Variants in MTA3 observed in about 807,000 individuals in gnomAD.
MTA3 encodes metastasis-associated protein MTA3.
In MTA3, 34 loss-of-function variants were observed where a neutral mutation model predicts 83.5. That is an observed-to-expected ratio of 0.41 (90% CI 0.31 to 0.54). MTA3 has a LOEUF of 0.54. Among genes scored for constraint, MTA3 ranks in the 20% least tolerant of loss-of-function variants. The pLI is 0.33. For synonymous variants in MTA3, 303 were observed against 252.7 expected (o/e 1.20, Z -1.89); for missense variants, 761 against 726.4 (o/e 1.05, Z -0.55).
intron 8 of MTA3, among the ~76,000 whole-genome samples, chr2:42,677,744 A>G (rs758391204): frequency 2.0e-5 from 3 of 152,096 alleles, no homozygotes; most frequent in Admixed American, 6.6e-5. Flanking sequence ...TTCCACCATG[A>G]TTATGAGGCC....
In MTA3 at chr2:42,498,535, ATACT is replaced by A. The variant is rs570613130; in HGVS notation, c.-141+3285_-141+3288del. ...AGCAGGCTTGGGGGAAAAGCTATAC[ATACT>A]TACGGGGGAGGCGCACACATGCATA... On this transcript the variant is annotated intron_variant, in intron 2 of 17. Transcript: ENST00000405592. Among the ~76,000 whole-genome samples, 63 of 152,336 alleles carry A rather than the reference ATACT, an allele frequency of 4.1e-4. 1 individual carries two copies. The highest frequency in any genetic ancestry group is 3.5e-3 in the Admixed American group (53 of 15,298).
chr2:42,556,145 A>G (rs937773352), intron 2 of MTA3, among the ~76,000 whole-genome samples: 5 of 150,542 alleles, frequency 3.3e-5, no homozygotes, highest in South Asian at 4.2e-4. Context: ...CTCCCTGGGG[A>G]AAAAAAAAGC....
intron 4 of MTA3, among the ~76,000 whole-genome samples, chr2:42,636,728 G>T (rs1395660042): frequency 6.7e-6 from 1 of 149,466 alleles, no homozygotes; most frequent in South Asian, 2.1e-4. Flanking sequence ...CCAGGTTCAA[G>T]CCATTCTCCT....
At chr2:42,638,300 T>A (rs1187386308) in intron 4 of MTA3, among the ~76,000 whole-genome samples, 1 of 152,210 alleles carries the variant, frequency 6.6e-6, no homozygotes, top group African/African-American at 2.4e-5. Context: ...ATAGATATTC[T>A]GTGGCAGCTG....
At chr2:42,554,085 T>C (rs1183402511) in intron 2 of MTA3, among the ~76,000 whole-genome samples, 2 of 151,772 alleles carry the variant, frequency 1.3e-5, no homozygotes, top group African/African-American at 4.8e-5. Context: ...AATACAAAAA[T>C]TAGCCAGATG....
At chr2:42,632,370 T>C (rs538056014) in intron 4 of MTA3, among the ~76,000 whole-genome samples, 2 of 151,962 alleles carry the variant, frequency 1.3e-5, no homozygotes, top group African/African-American at 4.8e-5. Context: ...GATTACAGGC[T>C]TGAGCCACCG....
At chr2:42,524,480 T>TTTTG (rs1553337478) in intron 2 of MTA3, among the ~76,000 whole-genome samples, 307 of 115,380 alleles carry the variant, frequency 2.7e-3, no homozygotes, top group East Asian at 8.9e-3. Flanking sequence ...GTGTTTTTTT[T>TTTTG]TTTTTTTTTT....
chr2:42,567,461 C>G (rs1677967002), upstream of MTA3, among the ~76,000 whole-genome samples: 1 of 152,160 alleles, frequency 6.6e-6, no homozygotes, highest in Non-Finnish European at 1.5e-5. Context: ...CCCGCACAGA[C>G]CTTAAACCCA....
chr2:42,662,132 C>T (rs183783039), intron 8 of MTA3, among the ~76,000 whole-genome samples: 8 of 152,184 alleles, frequency 5.3e-5, no homozygotes, highest in African/African-American at 1.7e-4. Context: ...ATTTTAACTG[C>T]TTTCTATTAT....
intron 3 of MTA3, among the ~76,000 whole-genome samples, chr2:42,584,720 A>G (rs1285055697): frequency 6.6e-6 from 1 of 152,052 alleles, no homozygotes; most frequent in East Asian, 1.9e-4. Flanking sequence ...AGAAAAGATT[A>G]GCTGGGTGTG....
chr2:42,639,559 G>A (rs1687515998), intron 4 of MTA3, among the ~76,000 whole-genome samples: 1 of 152,152 alleles, frequency 6.6e-6, no homozygotes. Context: ...AAATGTAAGT[G>A]CTGTCAGACC....
At chr2:42,594,728 A>ATATATTTTT in intron 3 of MTA3, among the ~76,000 whole-genome samples, 1,637 of 23,980 alleles carry the variant, frequency 0.068, 142 homozygotes, top group East Asian at 0.16. Context: ...ATATATATAT[A>ATATATTTTT]TTTTTTTTTT....
intron 4 of MTA3, among the ~76,000 whole-genome samples, chr2:42,617,890 G>T (rs1001096329): frequency 2.0e-5 from 3 of 151,800 alleles, no homozygotes; most frequent in African/African-American, 7.3e-5. Context: ...AGTATGGCTG[G>T]TTCTGATGAA....
chr2:42,523,377 C>A (rs1675516694), intron 2 of MTA3, among the ~76,000 whole-genome samples: 1 of 152,144 alleles, frequency 6.6e-6, no homozygotes, highest in African/African-American at 2.4e-5. Context: ...TGAGACCAGG[C>A]CCTTAATTGA....
At position 42,568,692 on chromosome 2, in the gene MTA3, A is replaced by AGGC. The variant is rs747530833; in HGVS notation, c.-42_-40dup. 7,442 of 1,164,770 alleles carry AGGC rather than the reference A, an allele frequency of 6.4e-3. 30 individuals are homozygous for AGGC. The highest frequency in any genetic ancestry group is 6.4e-3 in the Non-Finnish European group (6,051 of 944,478). 72.2% of individuals were successfully genotyped at this position (1,164,770 alleles called of 1,614,324 possible). On this transcript the variant is annotated 5_prime_UTR_variant, in exon 1 of 17. Coordinates refer to ENST00000405094, the MANE Select transcript of MTA3 (RefSeq NM_001330442.2). Reference sequence around the variant, plus strand: ...GCGGTCGCGGCTGAGGCTGAGGAGGAGGCGGCGGCGGCGGGCGGGGCTCGG... The same window carrying AGGC: ...GCGGTCGCGGCTGAGGCTGAGGAGGAGGCGGCGGCGGCGGCGGGCGGGGCTCGG...
At chr2:42,578,952 A>C (rs1679328328) in intron 2 of MTA3, among the ~76,000 whole-genome samples, 155 bp from the exon 3 acceptor site, 1 of 152,068 alleles carries the variant, frequency 6.6e-6, no homozygotes, top group African/African-American at 2.4e-5. Context: ...GCTCATCCTT[A>C]TTTGAATTTT....
intron 2 of MTA3, among the ~76,000 whole-genome samples, chr2:42,563,490 C>T (rs1487593257): frequency 3.3e-5 from 5 of 151,990 alleles, no homozygotes; most frequent in East Asian, 1.9e-4. Flanking sequence ...TTTTTTGAGA[C>T]GAAGTCTCAC....
At chr2:42,551,162 G>C (rs1677092478) in intron 2 of MTA3, among the ~76,000 whole-genome samples, 1 of 151,998 alleles carries the variant, frequency 6.6e-6, no homozygotes. Flanking sequence ...TCATTCATTT[G>C]ATCAGTGAAT....
chr2:42,532,771 A>C lies in MTA3; in HGVS notation c.-141+37517A>C, dbSNP rs1453610850. The C allele has an allele frequency of 9.8e-6, 3 of 306,194 alleles. No individual in the cohort carries two copies. In the Admixed American group the frequency reaches 1.2e-4, roughly 12 times the overall value. 19.0% of individuals were successfully genotyped at this position (306,194 alleles called of 1,614,324 possible). A position where few individuals can be genotyped will look rare whatever the true frequency, so the allele number is the denominator to read the frequency against. On this transcript the variant is annotated intron_variant, in intron 2 of 17. Coordinates refer to the MTA3 transcript ENST00000405592. Reference sequence around the variant, plus strand: ...TTTTTTAAACACCTATTATGCATGAACTCATAGGGAATGGGTTCCAGCAGC... The same window carrying C: ...TTTTTTAAACACCTATTATGCATGACCTCATAGGGAATGGGTTCCAGCAGC...
Sources: allele counts gnomAD v4.1 joint callset (sites outside exome capture counted in the v4.1 genomes callset), GRCh38; gene constraint gnomAD v4.1.1; transcripts MANE v1.5; gene names NCBI Gene and HGNC (gene_info 2026-07-23, HGNC 2026-07-21).